TLR7: variants seen among roughly 807,000 people sequenced by gnomAD.
TLR7 encodes toll-like receptor 7.
In TLR7, 12 loss-of-function variants were observed where a neutral mutation model predicts 38.3. The observed-to-expected ratio is 0.31, with a 90% CI of 0.20 to 0.51. The LOEUF (loss-of-function observed/expected upper bound fraction) is 0.51. Ranked by LOEUF, TLR7 falls within the 20% of genes least tolerant of loss-of-function variation. TLR7 has a pLI of 0.98. For synonymous variants in TLR7, 285 were observed against 293.8 expected (o/e 0.97, Z 0.31); for missense variants, 504 against 743.4 (o/e 0.68, Z 3.74).
At chrX:12,880,926 A>G (rs1241784067) in intron 2 of TLR7, among the ~76,000 whole-genome samples, 1 of 110,945 alleles carries the variant, frequency 9.0e-6, no homozygotes, top group Non-Finnish European at 1.9e-5. Flanking sequence ...TGTAAAATGG[A>G]GATAATAATA....
chrX:12,884,291 T>C (rs1315734646), intron 2 of TLR7, among the ~76,000 whole-genome samples: 5 of 112,111 alleles, frequency 4.5e-5, no homozygotes, highest in Non-Finnish European at 7.5e-5. Flanking sequence ...AAGTAGGCAT[T>C]TGGTTTCTTA....
chrX:12,881,228 AAATAATAAT>A (rs61216010), intron 2 of TLR7, among the ~76,000 whole-genome samples: 3 of 98,777 alleles, frequency 3.0e-5, no homozygotes, highest in South Asian at 4.4e-4. Flanking sequence ...ACTCAGTCTC[AAATAATAAT>A]AATAATAATA....
intron 2 of TLR7, among the ~76,000 whole-genome samples, chrX:12,871,780 G>A (rs2042853879): frequency 9.0e-6 from 1 of 111,349 alleles, no homozygotes; most frequent in Non-Finnish European, 1.9e-5. Context: ...CTTTCTGACT[G>A]GTTGGTTAGT....
intron 2 of TLR7, chrX:12,877,678 T>A (rs1392852952): frequency 9.0e-6 from 1 of 110,554 alleles, no homozygotes; most frequent in Non-Finnish European, 1.9e-5. Flanking sequence ...GGGTTTCAGG[T>A]TCAAAGGGAC....
Position 12,887,325 on chromosome X carries a change from A to G in TLR7, c.1817A>G (p.Asn606Ser), listed in dbSNP as rs754818308. ...KVLQKLMMND[N>S]DISSSTSRTM... The stretch of plus-strand genomic sequence containing the variant: ...CTGCAGAAACTGATGATGAACGACA[A>G]TGACATCTCTTCCTCCACCAGCAGG... The change falls in exon 3 of 3, where the codon AAT becomes AGT. Residue 606 changes from asparagine to serine, a missense_variant. Coordinates refer to ENST00000380659, the MANE Select transcript of TLR7 (RefSeq NM_016562.4). 8.2e-7 allele frequency: 1 copy of G among 1,212,123 alleles called. No homozygotes were observed. Among genetic ancestry groups the G allele is most frequent in the Admixed American group, 2.2e-5 (1 of 46,078 alleles).
rs199761230 is a variant in TLR7, at chrX:12,888,897, A to G, written c.*239A>G. 9.9e-6 allele frequency: 3 copies of G among 304,344 alleles called. No homozygotes were observed. The highest frequency in any genetic ancestry group is 1.1e-5 in the Non-Finnish European group (2 of 176,282). 25.1% of individuals were successfully genotyped at this position (304,344 alleles called of 1,213,427 possible). On this transcript the variant is annotated 3_prime_UTR_variant, in exon 3 of 3. Coordinates refer to ENST00000380659, the MANE Select transcript of TLR7 (RefSeq NM_016562.4). ...TATTTGCACTTGAGTCTCTCACCTC[A>G]GCTCCTGTAAAAGAGTGGCAAGTAA...
At position 12,889,403 on chromosome X, in the gene TLR7, C is replaced by G. The variant is rs201617174; in HGVS notation, c.*745C>G. 1 of 93,854 alleles carries G rather than the reference C, an allele frequency of 1.1e-5. No individual in the cohort carries two copies. Among genetic ancestry groups the G allele is most frequent in the Non-Finnish European group, 2.2e-5 (1 of 46,104 alleles). The allele number at this position is 93,854 out of a possible 1,213,427, so 7.7% of individuals were successfully genotyped here. A position where few individuals can be genotyped will look rare whatever the true frequency, so the allele number is the denominator to read the frequency against. ...ACAGAGCTAGACTGTCTCAAAAGAA[C>G]AAAAAAAAAAAAACACAAAAAAACT... On this transcript the variant is annotated 3_prime_UTR_variant, in exon 3 of 3. Transcript: ENST00000380659.
rs61216010 is a variant in TLR7, at chrX:12,881,228, A to AAATAATAATAATAAT, written c.4-4264_4-4250dup. On this transcript the variant is annotated intron_variant, in intron 2 of 2. Transcript: ENST00000380659. ...GGCAATAAGAGCGAAACTCAGTCTC[A>AAATAATAATAATAAT]AATAATAATAATAATAATAATAATA... Among the ~76,000 whole-genome samples, 102 of 98,767 alleles carry AAATAATAATAATAAT rather than the reference A, an allele frequency of 1.0e-3. 1 individual carries two copies. Among genetic ancestry groups the AAATAATAATAATAAT allele is most frequent in the African/African-American group, 3.1e-3 (82 of 26,713 alleles). The allele number at this position is 98,767 out of a possible 115,157, so 85.8% of individuals were successfully genotyped here.
chrX:12,871,816 G>A (rs1320904481), intron 2 of TLR7, among the ~76,000 whole-genome samples: 5 of 111,434 alleles, frequency 4.5e-5, no homozygotes, highest in African/African-American at 1.6e-4. Flanking sequence ...AGTCAGGAGA[G>A]CAGGAAATCC....
At chrX:12,880,021 T>G (rs1375415677) in intron 2 of TLR7, among the ~76,000 whole-genome samples, 1 of 112,146 alleles carries the variant, frequency 8.9e-6, no homozygotes, top group Non-Finnish European at 1.9e-5. Context: ...CATATACAAG[T>G]GGCAGCATCT....
intron 2 of TLR7, among the ~76,000 whole-genome samples, chrX:12,871,228 T>TA (rs1289223948): frequency 8.9e-6 from 1 of 112,059 alleles, no homozygotes; most frequent in Non-Finnish European, 1.9e-5. Flanking sequence ...AAACTAAAAT[T>TA]AAAAATATTT....
At chrX:12,875,770 G>T (rs2042868122) in intron 2 of TLR7, among the ~76,000 whole-genome samples, 1 of 112,127 alleles carries the variant, frequency 8.9e-6, no homozygotes, top group African/African-American at 3.2e-5. Flanking sequence ...CCTCAGTCAT[G>T]TGGAACTGTG....
Position 12,886,061 on chromosome X carries a change from T to C in TLR7, c.553T>C (p.Tyr185His). The change falls in exon 3 of 3, where the codon TAT (tyrosine) becomes CAT (histidine). Residue 185 changes from tyrosine (Y) to histidine (H), a missense_variant. Coordinates refer to ENST00000380659, the MANE Select transcript of TLR7 (RefSeq NM_016562.4). ...EILYLGQNCYYRNPCYVSYSI... is the reference protein window; with the variant it reads ...EILYLGQNCYHRNPCYVSYSI... ...ACTCTACCTGGGCCAAAACTGTTAT[T>C]ATCGAAATCCTTGTTATGTTTCATA... 8.3e-7 allele frequency: 1 copy of C among 1,211,100 alleles called. No individual in the cohort carries two copies.
intron 2 of TLR7, among the ~76,000 whole-genome samples, chrX:12,868,840 C>A (rs1027101736): frequency 1.8e-5 from 2 of 111,776 alleles, no homozygotes; most frequent in Non-Finnish European, 3.8e-5. Flanking sequence ...GAAACAACTG[C>A]TTACGGTTTC....
intron 2 of TLR7, among the ~76,000 whole-genome samples, chrX:12,874,749 G>C (rs748113110): frequency 8.9e-6 from 1 of 111,901 alleles, no homozygotes; most frequent in African/African-American, 3.2e-5. Flanking sequence ...TAAACACGAG[G>C]AGAAATCAGA....
intron 2 of TLR7, among the ~76,000 whole-genome samples, chrX:12,882,330 G>A (rs1299518252): frequency 9.0e-6 from 1 of 111,239 alleles, no homozygotes; most frequent in Non-Finnish European, 1.9e-5. Context: ...GGGGAGCAGG[G>A]AGAGCAATTT....
chrX:12,881,056 G>A (rs780925637), intron 2 of TLR7, among the ~76,000 whole-genome samples: 14 of 109,468 alleles, frequency 1.3e-4, no homozygotes, highest in African/African-American at 4.0e-4. Flanking sequence ...GTGAAACCCC[G>A]TCTCTACTAA....
rs377542228 is a variant in TLR7, at chrX:12,885,499, C to T, written c.4-13C>T. ...GTTTTAGAACAATGATTTGTTCTTT[C>T]TTATACTTTCAGGTGTTTCCAATGT... On this transcript the variant is annotated splice_polypyrimidine_tract_variant and intron_variant, in intron 2 of 2. Coordinates refer to ENST00000380659, the MANE Select transcript of TLR7 (RefSeq NM_016562.4). The T allele has an allele frequency of 7.7e-6, 9 of 1,166,797 alleles. No homozygotes were observed. In the South Asian group the frequency reaches 1.4e-4, roughly 18 times the overall value.
At chrX:12,882,413 A>C (rs1364003859) in intron 2 of TLR7, among the ~76,000 whole-genome samples, 1 of 109,623 alleles carries the variant, frequency 9.1e-6, no homozygotes, top group Non-Finnish European at 1.9e-5. Context: ...GTCAAAGAGA[A>C]AAGTGGACAG....
Sources: allele counts gnomAD v4.1 joint callset (sites outside exome capture counted in the v4.1 genomes callset), GRCh38; gene constraint gnomAD v4.1.1; transcripts MANE v1.5; gene names NCBI Gene and HGNC (gene_info 2026-07-23, HGNC 2026-07-21).